SLC24A2: variants seen among roughly 807,000 people sequenced by gnomAD.
SLC24A2 encodes solute carrier family 24 member 2.
A neutral mutation model predicts 62.0 loss-of-function variants in SLC24A2; 36 were observed. The observed-to-expected ratio is 0.58, with a 90% CI of 0.44 to 0.77. The LOEUF (loss-of-function observed/expected upper bound fraction) is 0.77, where lower values mean the gene tolerates loss of function less well. Among genes scored for constraint, SLC24A2 ranks in the 30% least tolerant of loss-of-function variants. The pLI is 0.00. For synonymous variants in SLC24A2, 358 were observed against 294.0 expected (o/e 1.22, Z -2.23); for missense variants, 846 against 817.9 (o/e 1.03, Z -0.42).
At chr9:19,635,273 G>A (rs1195028959) in intron 2 of SLC24A2, among the ~76,000 whole-genome samples, 2 of 152,204 alleles carry the variant, frequency 1.3e-5, no homozygotes, top group Non-Finnish European at 2.9e-5. Flanking sequence ...GGGGAAAAAT[G>A]ACATGAGAAA....
chr9:19,675,742 G>A (rs774639531), intron 2 of SLC24A2, among the ~76,000 whole-genome samples: 4 of 152,090 alleles, frequency 2.6e-5, no homozygotes, highest in Admixed American at 1.3e-4. Flanking sequence ...TCAGCCAGCC[G>A]GTGAGCAGGG....
chr9:20,053,862 C>A, the SLC24A2 span, among the ~76,000 whole-genome samples: 1 of 152,188 alleles, frequency 6.6e-6, no homozygotes, highest in Non-Finnish European at 1.5e-5. Flanking sequence ...CCCAAACATA[C>A]CAAGACACTC....
At chr9:20,132,914 AAAATT>A in the SLC24A2 span, among the ~76,000 whole-genome samples, 22 of 152,266 alleles carry the variant, frequency 1.4e-4, no homozygotes, top group African/African-American at 5.3e-4. Flanking sequence ...AATCTATTTA[AAAATT>A]AAATTAATTA....
chr9:20,012,762 T>C, the SLC24A2 span, among the ~76,000 whole-genome samples: 1 of 152,078 alleles, frequency 6.6e-6, no homozygotes, highest in African/African-American at 2.4e-5. Flanking sequence ...AAAGAAACAA[T>C]AAATCATACA....
At chr9:19,726,815 C>T (rs777919623) in intron 2 of SLC24A2, among the ~76,000 whole-genome samples, 3 of 152,154 alleles carry the variant, frequency 2.0e-5, no homozygotes, top group Non-Finnish European at 4.4e-5. Context: ...GCATATTCAA[C>T]GTGATATACA....
the SLC24A2 span, among the ~76,000 whole-genome samples, chr9:20,100,078 G>C: frequency 3.9e-5 from 6 of 151,982 alleles, no homozygotes; most frequent in African/African-American, 1.2e-4. Flanking sequence ...GAGTGCAGTG[G>C]TGCAATTGAC....
chr9:20,090,821 T>A, the SLC24A2 span, among the ~76,000 whole-genome samples: 1 of 152,086 alleles, frequency 6.6e-6, no homozygotes, highest in Non-Finnish European at 1.5e-5. Flanking sequence ...CAAACAACTG[T>A]ACAAGTTCTC....
chr9:20,174,227 A>C, the SLC24A2 span, among the ~76,000 whole-genome samples: 5 of 152,272 alleles, frequency 3.3e-5, no homozygotes, highest in Non-Finnish European at 5.9e-5. Flanking sequence ...TAAATCTAAG[A>C]CCTAAAATTA....
rs139790170 is a variant in SLC24A2, at chr9:19,509,220, A to G, written c.*6933T>C. ...TACAATTTTAAAATAATTTCCATGTAGTATTAGAACTTGCTAAAGAAACTG... is the reference window on the plus strand; with the variant it reads ...TACAATTTTAAAATAATTTCCATGTGGTATTAGAACTTGCTAAAGAAACTG... On this transcript the variant is annotated 3_prime_UTR_variant, in exon 11 of 11. Coordinates refer to ENST00000341998, the MANE Select transcript of SLC24A2 (RefSeq NM_020344.4). 1.3e-3 allele frequency: 205 copies of G among 152,348 alleles called. No homozygotes were observed. Among genetic ancestry groups the G allele is most frequent in the African/African-American group, 4.5e-3 (188 of 41,588 alleles). The allele number at this position is 152,348 out of a possible 1,614,324, so 9.4% of individuals were successfully genotyped here.
At chr9:19,536,981 T>C (rs1457952253) in intron 8 of SLC24A2, among the ~76,000 whole-genome samples, 5 of 138,954 alleles carry the variant, frequency 3.6e-5, no homozygotes, top group Admixed American at 1.5e-4. Flanking sequence ...CATGTGTTTT[T>C]TGGCTGCATA....
chr9:19,555,249 G>C (rs1252725352), intron 7 of SLC24A2, among the ~76,000 whole-genome samples: 1 of 152,146 alleles, frequency 6.6e-6, no homozygotes, highest in East Asian at 1.9e-4. Flanking sequence ...AACTGATCTA[G>C]TGTTCTCTTT....
the SLC24A2 span, among the ~76,000 whole-genome samples, chr9:19,912,115 C>A: frequency 8.6e-5 from 13 of 152,006 alleles, no homozygotes; most frequent in Admixed American, 3.3e-4. Flanking sequence ...GGTATTCAAA[C>A]CCCCGGGGTG....
the SLC24A2 span, among the ~76,000 whole-genome samples, chr9:19,814,974 T>C: frequency 6.6e-6 from 1 of 152,148 alleles, no homozygotes; most frequent in African/African-American, 2.4e-5. Context: ...TTGGTGAAAA[T>C]ACAACTCACA....
the SLC24A2 span, among the ~76,000 whole-genome samples, chr9:20,158,742 A>T: frequency 1.3e-5 from 2 of 151,600 alleles, no homozygotes; most frequent in African/African-American, 4.8e-5. Flanking sequence ...GGCAAAGAAG[A>T]CTTGGTGCAC....
At chr9:19,570,153 G>T (rs1835796847) in intron 7 of SLC24A2, among the ~76,000 whole-genome samples, 2 of 152,212 alleles carry the variant, frequency 1.3e-5, no homozygotes, top group South Asian at 4.1e-4. Context: ...TTTCTGATTA[G>T]ATAAACAATG....
At chr9:19,658,186 T>C (rs1818995808) in intron 2 of SLC24A2, among the ~76,000 whole-genome samples, 1 of 152,230 alleles carries the variant, frequency 6.6e-6, no homozygotes, top group Admixed American at 6.5e-5. Flanking sequence ...TGACTCAAAA[T>C]ATCAGAACAC....
chr9:19,688,863 G>T (rs894525574), intron 2 of SLC24A2, among the ~76,000 whole-genome samples: 4 of 151,992 alleles, frequency 2.6e-5, no homozygotes, highest in African/African-American at 9.7e-5. Flanking sequence ...TCTGTTACTT[G>T]AATAAATACA....
intron 2 of SLC24A2, among the ~76,000 whole-genome samples, chr9:19,712,933 T>C (rs1041448637): frequency 6.6e-6 from 1 of 152,162 alleles, no homozygotes; most frequent in African/African-American, 2.4e-5. Context: ...CAAATGTCCC[T>C]GGAGAGGCAA....
intron 7 of SLC24A2, among the ~76,000 whole-genome samples, chr9:19,571,478 T>G (rs1586979892): frequency 6.6e-6 from 1 of 152,212 alleles, no homozygotes; most frequent in African/African-American, 2.4e-5. Context: ...CTGTATCACT[T>G]TTCAGCTCAT....
Sources: allele counts gnomAD v4.1 joint callset (sites outside exome capture counted in the v4.1 genomes callset), GRCh38; gene constraint gnomAD v4.1.1; transcripts MANE v1.5; gene names NCBI Gene and HGNC (gene_info 2026-07-23, HGNC 2026-07-21).